The following COP1 variants were observed in gnomAD, a reference collection of about 807,000 sequenced individuals.
COP1 encodes COP1 E3 ubiquitin ligase, also known as E3 ubiquitin-protein ligase COP1.
COP1 carries 24 observed loss-of-function variants against 101.3 expected under a neutral mutation model. That is an observed-to-expected ratio of 0.24 (90% CI 0.17 to 0.33). The LOEUF is 0.33. Among genes scored for constraint, COP1 ranks in the 10% least tolerant of loss-of-function variants. The pLI, the probability that COP1 is intolerant of heterozygous loss-of-function variation, is 1.00. For synonymous variants in COP1, 347 were observed against 341.9 expected (o/e 1.01, Z -0.17); for missense variants, 663 against 906.2 (o/e 0.73, Z 3.45).
At chr1:175,994,764 A>C (rs1659659760) in intron 15 of COP1, among the ~76,000 whole-genome samples, 1 of 152,188 alleles carries the variant, frequency 6.6e-6, no homozygotes, top group South Asian at 2.1e-4. Context: ...AGTGACCTAC[A>C]AAGAGACTTA....
intron 11 of COP1, among the ~76,000 whole-genome samples, chr1:176,070,866 T>C (rs1385691393): frequency 6.6e-6 from 1 of 152,102 alleles, no homozygotes; most frequent in Non-Finnish European, 1.5e-5. Context: ...CTTCCCAGGC[T>C]GGTTTTGAAC....
chr1:176,073,746 GAAGGGTATGGTCTT>G (rs1014584592), intron 11 of COP1, among the ~76,000 whole-genome samples: 6 of 152,198 alleles, frequency 3.9e-5, no homozygotes, highest in Non-Finnish European at 8.8e-5. Flanking sequence ...CTTGTGGACT[GAAGGGTATGGTCTT>G]AACTCCAAAT....
At chr1:175,958,030 A>C (rs1650896642) in intron 18 of COP1, among the ~76,000 whole-genome samples, 1 of 152,098 alleles carries the variant, frequency 6.6e-6, no homozygotes, top group South Asian at 2.1e-4. Flanking sequence ...AAGGGAGGGG[A>C]CTGATTACAA....
chr1:176,143,109 T>C (rs902624157), intron 6 of COP1, among the ~76,000 whole-genome samples: 2 of 98,296 alleles, frequency 2.0e-5, no homozygotes, highest in African/African-American at 4.1e-5. Flanking sequence ...CAAGAATTGA[T>C]CCAACAGAAC....
intron 14 of COP1, among the ~76,000 whole-genome samples, chr1:176,039,721 A>T (rs1386942518): frequency 2.6e-5 from 4 of 152,180 alleles, no homozygotes; most frequent in African/African-American, 4.8e-5. Context: ...TGACATATAA[A>T]CCAACAGAAG....
At chr1:176,201,847 G>A (rs1443211127) in intron 1 of COP1, among the ~76,000 whole-genome samples, 2 of 152,156 alleles carry the variant, frequency 1.3e-5, no homozygotes, top group Non-Finnish European at 2.9e-5. Context: ...GTATTATAAA[G>A]CAAAAGAAGC....
chr1:176,058,307 C>T (rs1273921528), intron 11 of COP1, among the ~76,000 whole-genome samples: 10 of 151,874 alleles, frequency 6.6e-5, no homozygotes, highest in Non-Finnish European at 1.3e-4. Context: ...ATGACAATGG[C>T]GGTTTTGTGG....
intron 11 of COP1, among the ~76,000 whole-genome samples, chr1:176,071,270 C>T (rs1029228942): frequency 6.6e-6 from 1 of 152,072 alleles, no homozygotes; most frequent in Non-Finnish European, 1.5e-5. Context: ...GACTTGCCTG[C>T]TCCCACTTCA....
chr1:175,991,181 C>T (rs1232237357), intron 15 of COP1, among the ~76,000 whole-genome samples: 1 of 152,052 alleles, frequency 6.6e-6, no homozygotes, highest in East Asian at 1.9e-4. Context: ...AATTTCATCA[C>T]TGTGTGAGCA....
intron 11 of COP1, among the ~76,000 whole-genome samples, chr1:176,073,709 A>G (rs370920340): frequency 1.3e-5 from 2 of 152,310 alleles, no homozygotes; most frequent in East Asian, 1.9e-4. Context: ...TAGTCGAGAT[A>G]CTGTCAAAGT....
chr1:176,085,730 T>A, intron 10 of COP1, 46 bp downstream of exon 10: 4 of 1,156,722 alleles, frequency 3.5e-6, no homozygotes, highest in Non-Finnish European at 5.0e-6. Context: ...TAGAAACAGA[T>A]CTGAAATGTA....
chr1:176,155,888 T>C (rs1693376006), intron 5 of COP1, among the ~76,000 whole-genome samples: 1 of 151,978 alleles, frequency 6.6e-6, no homozygotes, highest in Non-Finnish European at 1.5e-5. Context: ...AAAGCTTCTA[T>C]ATAGAGCAAA....
At chr1:176,029,894 A>G (rs1165511721) in intron 14 of COP1, among the ~76,000 whole-genome samples, 1 of 152,208 alleles carries the variant, frequency 6.6e-6, no homozygotes, top group Non-Finnish European at 1.5e-5. Context: ...TGATAAATTT[A>G]TTAGCCTTCC....
intron 11 of COP1, among the ~76,000 whole-genome samples, chr1:176,062,921 T>C (rs185869739): frequency 1.3e-5 from 2 of 152,082 alleles, no homozygotes; most frequent in South Asian, 2.1e-4. Flanking sequence ...GTTCCACTTA[T>C]AAGAAATTTT....
intron 18 of COP1, among the ~76,000 whole-genome samples, chr1:175,976,433 ATGCC>A (rs1288367154): frequency 3.9e-5 from 6 of 152,048 alleles, no homozygotes; most frequent in Admixed American, 3.9e-4. Context: ...GTGCAACACC[ATGCC>A]TGCCTAATTA....
At chr1:176,035,255 AT>A (rs542115474) in intron 14 of COP1, among the ~76,000 whole-genome samples, 1,976 of 149,464 alleles carry the variant, frequency 0.013, 21 homozygotes, top group African/African-American at 0.025. Context: ...TATAGAAACT[AT>A]TTTTTTTTTA....
intron 15 of COP1, among the ~76,000 whole-genome samples, chr1:176,002,415 T>A (rs537962128): frequency 2.0e-5 from 3 of 152,098 alleles, no homozygotes; most frequent in East Asian, 1.9e-4. Flanking sequence ...GCAGGTTAGT[T>A]ACATATGTAT....
At chr1:175,988,886 T>C (rs566230217) in intron 16 of COP1, 1 of 157,088 alleles carries the variant, frequency 6.4e-6, no homozygotes, top group Non-Finnish European at 1.4e-5. Context: ...AAATCACAGA[T>C]AAATGACCAT....
chr1:176,119,376 C>T (rs992089732), intron 8 of COP1, among the ~76,000 whole-genome samples: 13 of 151,802 alleles, frequency 8.6e-5, no homozygotes, highest in African/African-American at 2.9e-4. Flanking sequence ...GACTGTAAGC[C>T]TAAAAAATGA....
Sources: allele counts gnomAD v4.1 joint callset (sites outside exome capture counted in the v4.1 genomes callset), GRCh38; gene constraint gnomAD v4.1.1; transcripts MANE v1.5; gene names NCBI Gene and HGNC (gene_info 2026-07-23, HGNC 2026-07-21).